KCNG4: variants seen among roughly 807,000 people sequenced by gnomAD.
KCNG4 encodes voltage-gated potassium channel regulatory subunit KCNG4.
In KCNG4, 30 loss-of-function variants were observed where a neutral mutation model predicts 28.2. The observed-to-expected ratio is 1.06, with a 90% CI of 0.80 to 1.44. The LOEUF (loss-of-function observed/expected upper bound fraction) is 1.44, where lower values mean the gene tolerates loss of function less well. KCNG4 is among the 40% of genes most tolerant of loss of function. The pLI, the probability that KCNG4 is intolerant of heterozygous loss-of-function variation, is 0.00. For missense variants in KCNG4, 879 were observed against 712.3 expected, an observed-to-expected ratio of 1.23 and a Z score of -2.66; for synonymous variants, 375 against 315.5, an observed-to-expected ratio of 1.19 and a Z score of -2.00.
In KCNG4 at chr16:84,222,616, A is replaced by T; in HGVS notation, c.1161T>A (p.Pro387=). ...FLAVAITLFS[P]LVYVAEKESG... The stretch of plus-strand genomic sequence containing the variant: ...ACTCCTTCTCGGCCACGTAGACCAA[A>T]GGGGAGAAGAGGGTGATGGCCACGG... Residue 387 remains proline (P), a synonymous_variant, in exon 3 of 3, where the codon CCT becomes CCA. Coordinates refer to ENST00000308251, the MANE Select transcript of KCNG4 (RefSeq NM_172347.3). The T allele has an allele frequency of 6.2e-7, 1 of 1,613,322 alleles. No individual in the cohort carries two copies. The highest frequency in any genetic ancestry group is 1.1e-5 in the South Asian group (1 of 91,080).
chr16:84,238,524 G>C (rs886105253), intron 1 of KCNG4, among the ~76,000 whole-genome samples: 2 of 152,212 alleles, frequency 1.3e-5, no homozygotes, highest in African/African-American at 2.4e-5. Context: ...CATCCTTGCT[G>C]TGTGACCTCC....
At position 84,220,964 on chromosome 16, in the gene KCNG4, C is replaced by T. The variant is rs964460519; in HGVS notation, c.*1253G>A. ...CCAACCCAGCTGTTCAGCTTCATCT[C>T]CTAAAATACACCTCTACTCTCCAGC... is the stretch of plus-strand genomic sequence containing the variant. On this transcript the variant is annotated 3_prime_UTR_variant, in exon 3 of 3. Coordinates refer to ENST00000308251, the MANE Select transcript of KCNG4 (RefSeq NM_172347.3). 4.6e-5 allele frequency: 7 copies of T among 152,456 alleles called. No homozygotes were observed. The highest frequency in any genetic ancestry group is 7.2e-5 in the African/African-American group (3 of 41,450). The allele number at this position is 152,456 out of a possible 1,614,324, so 9.4% of individuals were successfully genotyped here.
Position 84,222,588 on chromosome 16 carries a change from C to T in KCNG4, c.1189G>A (p.Gly397Arg), listed in dbSNP as rs374161403. The change falls in exon 3 of 3, where the codon GGG becomes AGG. Residue 397 changes from glycine (G) to arginine (R), a missense_variant. Gly to Arg is a moderately radical substitution (Grantham distance 125). Transcript: ENST00000308251. The part of the protein sequence containing the change: ...PLVYVAEKES[G>R]RVLEFTSIPA... ...ATGCTGGTGAACTCCAGCACCCGCC[C>T]GGACTCCTTCTCGGCCACGTAGACC... 4.6e-5 allele frequency: 74 copies of T among 1,613,146 alleles called. No homozygotes were observed. The highest frequency in any genetic ancestry group is 5.8e-5 in the Non-Finnish European group (69 of 1,179,990).
chr16:84,230,940 C>T (rs564520049), intron 2 of KCNG4, among the ~76,000 whole-genome samples: 348 of 152,338 alleles, frequency 2.3e-3, no homozygotes, highest in African/African-American at 7.8e-3. Context: ...AGAAAAGACG[C>T]GCTGACAGCC....
chr16:84,222,816 C>T lies in KCNG4; in HGVS notation c.961G>A (p.Glu321Lys), dbSNP rs4782905. The T allele has an allele frequency of 0.072, 115,693 of 1,609,550 alleles. 4,485 individuals are homozygous for T. Among genetic ancestry groups the T allele is most frequent in the South Asian group, 0.089 (8,074 of 90,850 alleles). ...AGGTAGGAGCTCCCGCTCGGCCTCT[C>T]GCCGTCCTCCGGGGGCTCCTCAGAC... ...AVSEEPPEDG[E>K]RPSGSSYLEK... The change falls in exon 3 of 3, where the codon GAG becomes AAG. Residue 321 changes from glutamate to lysine, a missense_variant. Glu to Lys is a moderately conservative substitution (Grantham distance 56, BLOSUM62 1). Coordinates refer to ENST00000308251, the MANE Select transcript of KCNG4 (RefSeq NM_172347.3).
intron 2 of KCNG4, among the ~76,000 whole-genome samples, chr16:84,232,316 A>G (rs1011882777): frequency 7.2e-5 from 11 of 152,226 alleles, no homozygotes; most frequent in African/African-American, 2.7e-4. Context: ...CTGGAGCAGG[A>G]AGCCAGTCAC....
At chr16:84,223,325 C>A (rs752433679) in intron 2 of KCNG4, among the ~76,000 whole-genome samples, 2 of 152,176 alleles carry the variant, frequency 1.3e-5, no homozygotes, top group Non-Finnish European at 2.9e-5. Flanking sequence ...TTCCATCCTT[C>A]CTGTGAGCCG....
chr16:84,236,002 G>C (rs1437855451), intron 2 of KCNG4: 3 of 152,224 alleles, frequency 2.0e-5, no homozygotes, highest in Non-Finnish European at 4.4e-5. Context: ...AGGGGACGAA[G>C]GTGTGGGCAA....
intron 2 of KCNG4, chr16:84,235,612 G>C (rs1438499785): frequency 6.6e-6 from 1 of 152,134 alleles, no homozygotes; most frequent in Non-Finnish European, 1.5e-5. Flanking sequence ...GGCATGGGCT[G>C]GTTCTCCATT....
chr16:84,223,088 C>A, intron 2 of KCNG4, 68 bp from the exon 3 acceptor site: 3 of 1,231,384 alleles, frequency 2.4e-6, no homozygotes, highest in Middle Eastern at 2.8e-4. Flanking sequence ...AATCGGGGGA[C>A]GACTTCATGC....
chr16:84,223,043 C>T lies in KCNG4; in HGVS notation c.757-23G>A, dbSNP rs113928509. On this transcript the variant is annotated intron_variant, in intron 2 of 2. Transcript: ENST00000308251. ...GCCCTGCGGGGAGAAGAGGCAACAA[C>T]GCGGGGTAGAGAGTGGACTTGCAAC... is the stretch of plus-strand genomic sequence containing the variant. 6.8e-5 allele frequency: 103 copies of T among 1,508,142 alleles called. No individual in the cohort carries two copies. The African/African-American group carries it at 9.1e-4, about 13-fold the overall frequency. The allele number at this position is 1,508,142 out of a possible 1,614,324, so 93.4% of individuals were successfully genotyped here.
Position 84,237,014 on chromosome 16 carries a change from C to G in KCNG4, c.472G>C (p.Glu158Gln). Residue 158 changes from glutamate to glutamine, a missense_variant, in exon 2 of 3, where the codon GAG becomes CAG. Physicochemically the swap from Glu to Gln is conservative, Grantham distance 29. Transcript: ENST00000308251. ...AGCAGCTTCCGCAGGCAGCACCTCT[C>G]CAGGTGGGCCTCCTCGATGCCCCAG... The part of the protein sequence containing the change: ...AYWGIEEAHL[E>Q]RCCLRKLLRK... The G allele has an allele frequency of 6.2e-7, 1 of 1,613,988 alleles. No homozygotes were observed. The highest frequency in any genetic ancestry group is 8.5e-7 in the Non-Finnish European group (1 of 1,180,022).
rs767838539 is a variant in KCNG4, at chr16:84,222,789, C to T, written c.988G>A (p.Glu330Lys). The change falls in exon 3 of 3, where the codon GAG becomes AAG. Residue 330 changes from glutamate to lysine, a missense_variant. Physicochemically the swap from Glu to Lys is moderately conservative, Grantham distance 56. Coordinates refer to ENST00000308251, the MANE Select transcript of KCNG4 (RefSeq NM_172347.3). The stretch of plus-strand genomic sequence containing the variant: ...ACACGCAGGACCAGCCCCACCTTCT[C>T]CAGGTAGGAGCTCCCGCTCGGCCTC... ...GERPSGSSYLEKVGLVLRVLR... is the reference protein window; with the variant it reads ...GERPSGSSYLKKVGLVLRVLR... 1.2e-6 allele frequency: 2 copies of T among 1,610,704 alleles called. No homozygotes were observed. The highest frequency in any genetic ancestry group is 1.7e-6 in the Non-Finnish European group (2 of 1,177,676).
intron 1 of KCNG4, among the ~76,000 whole-genome samples, chr16:84,238,861 C>T (rs1905038510): frequency 6.6e-6 from 1 of 151,678 alleles, no homozygotes; most frequent in African/African-American, 2.4e-5. Flanking sequence ...GAGCGAGACT[C>T]CATCTCAAAA....
intron 2 of KCNG4, among the ~76,000 whole-genome samples, chr16:84,223,897 C>T (rs1179935915): frequency 6.6e-6 from 1 of 152,122 alleles, no homozygotes; most frequent in Non-Finnish European, 1.5e-5. Flanking sequence ...GAGAGGGTTC[C>T]TGAATCCCCA....
rs780286095 is a variant in KCNG4, at chr16:84,222,698, A to T, written c.1079T>A (p.Leu360Gln). The change falls in exon 3 of 3, where the codon CTG becomes CAG. Residue 360 changes from leucine to glutamine, a missense_variant. Physicochemically the swap from Leu to Gln is moderately radical, Grantham distance 113 (BLOSUM62 -2). Transcript: ENST00000308251. ...LARHSLGLQTLGLTVRRCTRE... is the reference protein window; with the variant it reads ...LARHSLGLQTQGLTVRRCTRE... The stretch of plus-strand genomic sequence containing the variant: ...TGTGCAACGGCGCACGGTGAGCCCC[A>T]GCGTCTGCAGCCCCAGCGAGTGGCG... 2 of 1,613,310 alleles carry T rather than the reference A, an allele frequency of 1.2e-6. No individual in the cohort carries two copies. Among genetic ancestry groups the T allele is most frequent in the Admixed American group, 1.7e-5 (1 of 59,960 alleles).
At chr16:84,232,150 G>T (rs1467802523) in intron 2 of KCNG4, among the ~76,000 whole-genome samples, 1 of 152,120 alleles carries the variant, frequency 6.6e-6, no homozygotes, top group South Asian at 2.1e-4. Flanking sequence ...TCTTTGGAAC[G>T]TGTCTTTCTA....
Position 84,220,868 on chromosome 16 carries a change from T to C in KCNG4, c.*1349A>G, listed in dbSNP as rs1346172706. ...TCTCATGCCCAATCCAGCCTCATCA[T>C]CTCCCTAACCCACAGCCTGTGCACA... On this transcript the variant is annotated 3_prime_UTR_variant, in exon 3 of 3. Coordinates refer to ENST00000308251, the MANE Select transcript of KCNG4 (RefSeq NM_172347.3). The C allele has an allele frequency of 6.6e-6, 1 of 152,226 alleles. No homozygotes were observed. Among genetic ancestry groups the C allele is most frequent in the African/African-American group, 2.4e-5 (1 of 41,428 alleles). The allele number at this position is 152,226 out of a possible 1,614,324, so 9.4% of individuals were successfully genotyped here.
chr16:84,234,003 G>T (rs1056947924), intron 2 of KCNG4, among the ~76,000 whole-genome samples: 2 of 152,190 alleles, frequency 1.3e-5, no homozygotes, highest in Admixed American at 6.5e-5. Flanking sequence ...GATGAAATCA[G>T]TCCACGGTGT....
Sources: allele counts gnomAD v4.1 joint callset (sites outside exome capture counted in the v4.1 genomes callset), GRCh38; gene constraint gnomAD v4.1.1; transcripts MANE v1.5; gene names NCBI Gene and HGNC (gene_info 2026-07-23, HGNC 2026-07-21).